The following CCNE2 variants were observed in gnomAD, a reference collection of about 807,000 sequenced individuals.
CCNE2 encodes the protein cyclin E2.
In CCNE2, 18 loss-of-function variants were observed where a neutral mutation model predicts 56.8. The observed-to-expected ratio is 0.32, with a 90% CI of 0.22 to 0.47. The LOEUF is 0.47. CCNE2 is among the 20% of genes least tolerant of loss of function. The pLI, the probability that CCNE2 is intolerant of heterozygous loss-of-function variation, is 1.00. For missense variants in CCNE2, 371 were observed against 467.1 expected, an observed-to-expected ratio of 0.79 and a Z score of 1.90; for synonymous variants, 139 against 149.2, an observed-to-expected ratio of 0.93 and a Z score of 0.50.
At chr8:94,887,175 G>A (rs1206296767) in intron 7 of CCNE2, among the ~76,000 whole-genome samples, 2 of 152,120 alleles carry the variant, frequency 1.3e-5, no homozygotes, top group South Asian at 2.1e-4. Context: ...CTTAAGAAAG[G>A]AGGTGCCTTC....
At chr8:94,882,003 G>T in intron 11 of CCNE2, 129 bp downstream of exon 11, 1 of 982,046 alleles carries the variant, frequency 1.0e-6, no homozygotes, top group Non-Finnish European at 1.5e-6. Context: ...TCTACATTTT[G>T]AAATCAGTGT....
At chr8:94,889,169 C>T (rs1327166611) in intron 6 of CCNE2, among the ~76,000 whole-genome samples, 4 of 151,488 alleles carry the variant, frequency 2.6e-5, no homozygotes, top group Non-Finnish European at 4.4e-5. Context: ...AAAAGAATGT[C>T]GAATTTCAAA....
chr8:94,888,004 A>G lies in CCNE2; in HGVS notation c.523T>C (p.Leu175=), dbSNP rs1266668543. 6.3e-7 allele frequency: 1 copy of G among 1,596,190 alleles called. No individual in the cohort carries two copies. The highest frequency in any genetic ancestry group is 1.7e-5 in the Admixed American group (1 of 57,878). Residue 175 remains leucine (L), a synonymous_variant, in exon 7 of 12, where the codon TTG becomes CTG. Transcript: ENST00000308108. ...TTTTTATTTATATCCTTTTGTGTCAACATAAATCTATCAAAAAAGTCTTGT... is the reference window on the plus strand; with the variant it reads ...TTTTTATTTATATCCTTTTGTGTCAGCATAAATCTATCAAAAAAGTCTTGT... ...LAQDFFDRFM[L]TQKDINKNML...
chr8:94,890,699 T>A (rs1020478187), intron 5 of CCNE2, 149 bp from the exon 6 acceptor site: 1 of 214,496 alleles, frequency 4.7e-6, no homozygotes, highest in Non-Finnish European at 8.7e-6. Context: ...TTCAAGCGAT[T>A]CTTGTGCCTC....
chr8:94,883,457 A>G (rs1458405859), intron 9 of CCNE2, among the ~76,000 whole-genome samples: 1 of 152,138 alleles, frequency 6.6e-6, no homozygotes, highest in Admixed American at 6.5e-5. Context: ...GGAGGCAGAG[A>G]ATGTTCTAGG....
At chr8:94,891,708 T>G (rs1169057349) in intron 5 of CCNE2, 2 of 706,012 alleles carry the variant, frequency 2.8e-6, no homozygotes, top group Admixed American at 4.5e-5. Flanking sequence ...AAAATGTCAC[T>G]TTACAGAAAC....
At chr8:94,893,679 AC>A in intron 4 of CCNE2, 1 of 577,016 alleles carries the variant, frequency 1.7e-6, no homozygotes, top group Non-Finnish European at 3.0e-6. Flanking sequence ...ACAAAAAGGA[AC>A]CAGCTGCTTG....
In CCNE2 at chr8:94,888,093, T is replaced by C. The variant is rs113835126; in HGVS notation, c.454-20A>G. ...ACATACCTAGAGAAGAATCCAAACA[T>C]TTAAATATTATCTTCTGAATTTCTC... On this transcript the variant is annotated intron_variant, in intron 6 of 11. Transcript: ENST00000308108. The C allele has an allele frequency of 4.8e-4, 709 of 1,488,880 alleles. 4 individuals are homozygous for C. In the African/African-American group the frequency reaches 8.6e-3, roughly 18 times the overall value. 92.2% of individuals were successfully genotyped at this position (1,488,880 alleles called of 1,614,324 possible).
chr8:94,880,330 AGTG>A lies in CCNE2; in HGVS notation c.*1299_*1301del. The A allele has an allele frequency of 1.6e-6, 1 of 620,496 alleles. No individual in the cohort carries two copies. The highest frequency in any genetic ancestry group is 2.8e-6 in the Non-Finnish European group (1 of 358,312). 38.4% of individuals were successfully genotyped at this position (620,496 alleles called of 1,614,324 possible). ...TTATATAATACATATGTACACAATTAGTGGTGTTTTCTTTTCAGACAAAATACT... is the reference window on the plus strand; with the variant it reads ...TTATATAATACATATGTACACAATTAGTGTTTTCTTTTCAGACAAAATACT... On this transcript the variant is annotated 3_prime_UTR_variant, in exon 12 of 12. Transcript: ENST00000308108.
At chr8:94,889,688 CTT>C (rs1817160471) in intron 6 of CCNE2, among the ~76,000 whole-genome samples, 1 of 152,186 alleles carries the variant, frequency 6.6e-6, no homozygotes, top group African/African-American at 2.4e-5. Flanking sequence ...TGCTTCATCT[CTT>C]GTCTTAAAGA....
At chr8:94,887,844 CAT>C in intron 7 of CCNE2, 81 bp downstream of exon 7, 1 of 892,754 alleles carries the variant, frequency 1.1e-6, no homozygotes, top group Non-Finnish European at 1.7e-6. Context: ...TAATATAAAA[CAT>C]AGTATTCTTT....
chr8:94,890,589 ATATTTT>A (rs1563683390), intron 5 of CCNE2, 39 bp from the exon 6 acceptor site: 18 of 520,512 alleles, frequency 3.5e-5, no homozygotes, highest in Admixed American at 7.8e-5. Context: ...ATATATATAT[ATATTTT>A]TTTTTTTTTT....
Position 94,895,183 on chromosome 8 carries a change from A to C in CCNE2, c.-33T>G. 2.0e-6 allele frequency: 2 copies of C among 985,834 alleles called. No individual in the cohort carries two copies. The highest frequency in any genetic ancestry group is 2.4e-6 in the Non-Finnish European group (2 of 830,412). The allele number at this position is 985,834 out of a possible 1,614,324, so 61.1% of individuals were successfully genotyped here. ...ACGCGCAGCAACTCCTCACCGCCAGACCAGCTACCGCTCGGCTCAGCTGGC... is the reference window on the plus strand; with the variant it reads ...ACGCGCAGCAACTCCTCACCGCCAGCCCAGCTACCGCTCGGCTCAGCTGGC... On this transcript the variant is annotated 5_prime_UTR_variant, in exon 1 of 12. Coordinates refer to ENST00000308108, the MANE Select transcript of CCNE2 (RefSeq NM_057749.3).
chr8:94,892,012 G>C, intron 5 of CCNE2: 1 of 847,370 alleles, frequency 1.2e-6, no homozygotes, highest in Non-Finnish European at 2.0e-6. Flanking sequence ...TAGTGAAAAG[G>C]AACAAATTGT....
At chr8:94,890,220 T>C (rs927525567) in intron 6 of CCNE2, among the ~76,000 whole-genome samples, 195 bp downstream of exon 6, 1 of 152,228 alleles carries the variant, frequency 6.6e-6, no homozygotes, top group African/African-American at 2.4e-5. Flanking sequence ...TAGTTATATG[T>C]AGTAGCTTTG....
At position 94,883,613 on chromosome 8, in the gene CCNE2, T is replaced by C. The variant is rs1378578073; in HGVS notation, c.832-721A>G. The C allele has an allele frequency of 1.2e-5, 3 of 246,716 alleles. No homozygotes were observed. In the Admixed American group the frequency reaches 1.3e-4, roughly 11 times the overall value. The allele number at this position is 246,716 out of a possible 1,614,324, so 15.3% of individuals were successfully genotyped here. A position where few individuals can be genotyped will look rare whatever the true frequency, so the allele number is the denominator to read the frequency against. ...TCTAGATTGGATCACAAAGGGTCTT[T>C]AAGAAGTCAGAATTTTATAGGCTGA... On this transcript the variant is annotated intron_variant, in intron 9 of 11. Coordinates refer to ENST00000308108, the MANE Select transcript of CCNE2 (RefSeq NM_057749.3).
At chr8:94,891,976 T>G (rs1291905985) in intron 5 of CCNE2, 8 of 952,632 alleles carry the variant, frequency 8.4e-6, no homozygotes, top group Middle Eastern at 3.3e-4. Flanking sequence ...ACACGTGATC[T>G]CTCCCTGCCA....
In CCNE2 at chr8:94,880,300, T is replaced by TTTAA; in HGVS notation, c.*1331_*1332insTTAA. ...CTAAAAATAAACAGTATTAAAAGGT[T>TTTAA]AAGTTTATATAATACATATGTACAC... On this transcript the variant is annotated 3_prime_UTR_variant, in exon 12 of 12. Coordinates refer to ENST00000308108, the MANE Select transcript of CCNE2 (RefSeq NM_057749.3). 1 of 780,434 alleles carries TTTAA rather than the reference T, an allele frequency of 1.3e-6. No individual in the cohort carries two copies. The highest frequency in any genetic ancestry group is 2.1e-6 in the Non-Finnish European group (1 of 472,070). The allele number at this position is 780,434 out of a possible 1,614,324, so 48.3% of individuals were successfully genotyped here.
intron 5 of CCNE2, 24 bp from the exon 6 acceptor site, chr8:94,890,574 CATAT>C (rs750535446): frequency 6.6e-5 from 47 of 715,886 alleles, no homozygotes; most frequent in African/African-American, 5.7e-4. Flanking sequence ...GGAAAAAAAC[CATAT>C]ATATATATAT....
Sources: gnomAD v4.1 joint callset for allele counts (sites outside exome capture counted in the v4.1 genomes callset) on GRCh38, gnomAD v4.1.1 for gene constraint, MANE v1.5 for transcripts, NCBI Gene and HGNC (gene_info 2026-07-23, HGNC 2026-07-21) for gene names.